AGBL3: variants seen among roughly 807,000 people sequenced by gnomAD.
The protein encoded by AGBL3 is cytosolic carboxypeptidase 3.
In AGBL3, 68 loss-of-function variants were observed where a neutral mutation model predicts 94.5. That is an observed-to-expected ratio of 0.72 (90% CI 0.59 to 0.88). AGBL3 has a LOEUF of 0.88. Ranked by LOEUF, AGBL3 falls within the 40% of genes least tolerant of loss-of-function variation. The pLI is 0.00. For synonymous variants in AGBL3, 354 were observed against 370.7 expected (o/e 0.95, Z 0.52); for missense variants, 934 against 1,103.8 (o/e 0.85, Z 2.18).
intron 4 of AGBL3, among the ~76,000 whole-genome samples, chr7:135,016,414 T>G (rs1387939013): frequency 6.6e-6 from 1 of 152,130 alleles, no homozygotes; most frequent in Non-Finnish European, 1.5e-5. Flanking sequence ...AATACTTGTT[T>G]GTCATCAAAT....
At chr7:135,088,387 C>T (rs1821502023) in intron 15 of AGBL3, among the ~76,000 whole-genome samples, 1 of 152,046 alleles carries the variant, frequency 6.6e-6, no homozygotes, top group Admixed American at 6.5e-5. Context: ...CTTTCCTTCT[C>T]TCTTATTGTT....
intron 15 of AGBL3, among the ~76,000 whole-genome samples, chr7:135,109,637 G>A (rs1825318433): frequency 6.6e-6 from 1 of 152,252 alleles, no homozygotes; most frequent in Non-Finnish European, 1.5e-5. Flanking sequence ...TCCCAGGGAA[G>A]TTTGAAACTG....
intron 4 of AGBL3, among the ~76,000 whole-genome samples, chr7:135,016,046 A>C (rs202222968): frequency 7.4e-5 from 1 of 13,434 alleles, no homozygotes; most frequent in Admixed American, 1.6e-3. Flanking sequence ...AAAAAAAAAA[A>C]AAAAGAAAAG....
chr7:135,030,487 T>C (rs1339662735), intron 5 of AGBL3, among the ~76,000 whole-genome samples: 2 of 152,208 alleles, frequency 1.3e-5, no homozygotes, highest in African/African-American at 4.8e-5. Context: ...AGACCATCTG[T>C]ATGTAATGTG....
chr7:135,066,125 T>C (rs1819274952), intron 12 of AGBL3, among the ~76,000 whole-genome samples: 1 of 152,036 alleles, frequency 6.6e-6, no homozygotes, highest in South Asian at 2.1e-4. Context: ...CTTAAACAAG[T>C]GGGACTATAA....
intron 15 of AGBL3, among the ~76,000 whole-genome samples, chr7:135,109,580 C>T (rs906500420): frequency 2.0e-5 from 3 of 151,980 alleles, no homozygotes; most frequent in East Asian, 1.9e-4. Flanking sequence ...CAATGAAGGT[C>T]GTGAAACAGC....
Position 135,061,202 on chromosome 7 carries a change from G to A in AGBL3, c.1908+1967G>A, listed in dbSNP as rs1818812656. On this transcript the variant is annotated intron_variant, in intron 12 of 16. Coordinates refer to ENST00000436302, the MANE Select transcript of AGBL3 (RefSeq NM_178563.4). ...CCATTTGTATTTGTTCTTTTGACAAGTATCTATTCAGAGCCTTTGCTCATT... is the reference window on the plus strand; with the variant it reads ...CCATTTGTATTTGTTCTTTTGACAAATATCTATTCAGAGCCTTTGCTCATT... Among the ~76,000 whole-genome samples the A allele has an allele frequency of 2.6e-5, 4 of 152,042 alleles. No homozygotes were observed. In the South Asian group the frequency reaches 6.2e-4, roughly 24 times the overall value.
At chr7:135,109,028 T>C (rs915438320) in intron 15 of AGBL3, among the ~76,000 whole-genome samples, 1 of 149,916 alleles carries the variant, frequency 6.7e-6, no homozygotes, top group Non-Finnish European at 1.5e-5. Context: ...GTTTTATAGC[T>C]CTATAAGATC....
At chr7:135,036,031 G>C (rs747920816) in intron 7 of AGBL3, among the ~76,000 whole-genome samples, 17 of 151,998 alleles carry the variant, frequency 1.1e-4, no homozygotes, top group Non-Finnish European at 2.4e-4. Flanking sequence ...GTTTAAAGCA[G>C]TATGGTTTCT....
Position 135,045,919 on chromosome 7 carries a change from A to C in AGBL3, c.1841+8A>C. ...ATTGGATGTAGAGTCTAGGTAACTC[A>C]AGGCTGCTGAAGTAATGCAATTTGT... On this transcript the variant is annotated splice_region_variant and intron_variant, in intron 11 of 16. Coordinates refer to ENST00000436302, the MANE Select transcript of AGBL3 (RefSeq NM_178563.4). 6.8e-7 allele frequency: 1 copy of C among 1,468,212 alleles called. No homozygotes were observed. The allele number at this position is 1,468,212 out of a possible 1,614,324, so 90.9% of individuals were successfully genotyped here. A position where few individuals can be genotyped will look rare whatever the true frequency, so the allele number is the denominator to read the frequency against.
intron 16 of AGBL3, among the ~76,000 whole-genome samples, chr7:135,119,265 AGTT>A (rs1826777574): frequency 6.6e-6 from 1 of 151,780 alleles, no homozygotes; most frequent in Non-Finnish European, 1.5e-5. Context: ...AGTCTTGCTC[AGTT>A]ACCCAGGCTG....
chr7:135,135,502 T>TA lies in AGBL3; in HGVS notation c.*242dup, dbSNP rs61150470. 0.46 allele frequency: 144,400 copies of TA among 311,662 alleles called. 35,228 individuals carry two copies. Among genetic ancestry groups the TA allele is most frequent in the East Asian group, 0.74 (14,360 of 19,358 alleles). The allele number at this position is 311,662 out of a possible 1,614,324, so 19.3% of individuals were successfully genotyped here. ...AAAGCAGATATTTATATTTAGTTTT[T>TA]ATCAGCATGGAAAAAAATCTCTGAA... On this transcript the variant is annotated 3_prime_UTR_variant, in exon 17 of 17. Transcript: ENST00000436302.
chr7:135,090,952 C>G (rs1246544889), intron 15 of AGBL3, among the ~76,000 whole-genome samples: 5 of 152,252 alleles, frequency 3.3e-5, no homozygotes, highest in Admixed American at 3.3e-4. Flanking sequence ...GATGACAGCT[C>G]CTTCTCTGGG....
rs530592534 is a variant in AGBL3, at chr7:135,115,176, C to T, written c.2111-204C>T. Among the ~76,000 whole-genome samples, 31 of 152,266 alleles carry T rather than the reference C, an allele frequency of 2.0e-4. No individual in the cohort carries two copies. In the South Asian group the frequency reaches 3.9e-3, roughly 19 times the overall value. On this transcript the variant is annotated intron_variant, in intron 15 of 16. Transcript: ENST00000436302. ...CCCTCAAGAATTCTCTACTCCCCTC[C>T]GCAGCTTTACTTTATCCCGTAAACT... is the stretch of plus-strand genomic sequence containing the variant.
At chr7:135,063,395 G>T (rs1483773797) in intron 12 of AGBL3, among the ~76,000 whole-genome samples, 1 of 151,666 alleles carries the variant, frequency 6.6e-6, no homozygotes, top group African/African-American at 2.4e-5. Context: ...TGCTTAGTTT[G>T]TTCTTCTTTT....
In AGBL3 at chr7:135,133,850, A is replaced by T. The variant is rs537497646; in HGVS notation, c.2343-991A>T. Among the ~76,000 whole-genome samples the T allele has an allele frequency of 9.8e-5, 15 of 152,296 alleles. No individual in the cohort carries two copies. In the South Asian group the frequency reaches 3.1e-3, roughly 32 times the overall value. On this transcript the variant is annotated intron_variant, in intron 16 of 16. Coordinates refer to ENST00000436302, the MANE Select transcript of AGBL3 (RefSeq NM_178563.4). ...ATGTCATTGAATGGATGAATTATTA[A>T]ACCAACTATGGTACATTCATGTCAC...
At chr7:135,012,715 T>C (rs1813308647) in intron 4 of AGBL3, among the ~76,000 whole-genome samples, 1 of 152,096 alleles carries the variant, frequency 6.6e-6, no homozygotes, top group African/African-American at 2.4e-5. Flanking sequence ...CAGTAAGTGG[T>C]GTTGTAACAA....
At chr7:135,072,776 G>C (rs1820054112) in intron 12 of AGBL3, among the ~76,000 whole-genome samples, 1 of 135,568 alleles carries the variant, frequency 7.4e-6, no homozygotes, top group African/African-American at 2.7e-5. Context: ...GAGTGGGGGA[G>C]GGGGGAGGGA....
Position 135,075,203 on chromosome 7 carries a change from G to A in AGBL3, c.1909-1194G>A, listed in dbSNP as rs573922027. On this transcript the variant is annotated intron_variant, in intron 12 of 16. Coordinates refer to ENST00000436302, the MANE Select transcript of AGBL3 (RefSeq NM_178563.4). The stretch of plus-strand genomic sequence containing the variant: ...GGATCCCTCATATTGCCCTCTTAAA[G>A]CCATACCCACTCCCTCCTGTCCTTA... Among the ~76,000 whole-genome samples the A allele has an allele frequency of 8.5e-5, 13 of 152,140 alleles. No homozygotes were observed. The South Asian group carries it at 2.3e-3, about 27-fold the overall frequency.
Sources: allele counts gnomAD v4.1 joint callset (sites outside exome capture counted in the v4.1 genomes callset), GRCh38; gene constraint gnomAD v4.1.1; transcripts MANE v1.5; gene names NCBI Gene and HGNC (gene_info 2026-07-23, HGNC 2026-07-21).